GPC6: variants seen among roughly 807,000 people sequenced by gnomAD.
The protein encoded by GPC6 is glypican 6.
In GPC6, 14 loss-of-function variants were observed where a neutral mutation model predicts 55.2. The ratio of observed to expected loss-of-function variants is 0.25; its 90% confidence interval spans 0.17 to 0.40. GPC6 has a LOEUF of 0.40. Among genes scored for constraint, GPC6 ranks in the 10% least tolerant of loss-of-function variants. The pLI is 1.00. For synonymous variants in GPC6, 278 were observed against 259.6 expected, an observed-to-expected ratio of 1.07 and a Z score of -0.68; for missense variants, 641 against 708.5, an observed-to-expected ratio of 0.90 and a Z score of 1.08.
At chr13:94,199,033 G>A (rs1889671910) in intron 4 of GPC6, among the ~76,000 whole-genome samples, 2 of 152,152 alleles carry the variant, frequency 1.3e-5, no homozygotes, top group Non-Finnish European at 2.9e-5. Context: ...ACCATGGAGA[G>A]TTTAGGGCAA....
intron 6 of GPC6, among the ~76,000 whole-genome samples, chr13:94,313,811 G>A (rs941412750): frequency 6.6e-6 from 1 of 152,166 alleles, no homozygotes; most frequent in Non-Finnish European, 1.5e-5. Context: ...GAGCTTTGGT[G>A]ACCTCTGTAT....
Position 94,011,575 on chromosome 13 carries a change from C to T in GPC6, c.712-16154C>T, listed in dbSNP as rs184160058. 4.7e-4 allele frequency among the ~76,000 whole-genome samples: 72 copies of T among 152,212 alleles called. 1 individual carries two copies. The highest frequency in any genetic ancestry group is 4.1e-3 in the Admixed American group (63 of 15,264). On this transcript the variant is annotated intron_variant, in intron 3 of 8. Coordinates refer to ENST00000377047, the MANE Select transcript of GPC6 (RefSeq NM_005708.5). ...ACTTAGACTTTTATTATGTTGTTCT[C>T]GGAATATGTTTACTTAAGATAAAAA... is the stretch of plus-strand genomic sequence containing the variant.
chr13:93,505,350 A>G (rs929240294), intron 1 of GPC6, among the ~76,000 whole-genome samples: 1 of 151,962 alleles, frequency 6.6e-6, no homozygotes, highest in Non-Finnish European at 1.5e-5. Flanking sequence ...TAGTTACACT[A>G]TTTTCATTAG....
rs147453060 is a variant in GPC6, at chr13:94,073,837, C to CAAA, written c.877+45945_877+45946insAAA. Among the ~76,000 whole-genome samples, 730 of 152,254 alleles carry CAAA rather than the reference C, an allele frequency of 4.8e-3. 8 individuals are homozygous for CAAA. Among genetic ancestry groups the CAAA allele is most frequent in the African/African-American group, 0.017 (693 of 41,564 alleles). On this transcript the variant is annotated intron_variant, in intron 4 of 8. Coordinates refer to ENST00000377047, the MANE Select transcript of GPC6 (RefSeq NM_005708.5). ...GAGCTTTGTTTAACTTTAACAACAA[C>CAAA]AACAAAAAATGACATAAATGGTGCT...
chr13:94,118,996 ATGTGTGTG>A (rs4001790), intron 4 of GPC6, among the ~76,000 whole-genome samples: 83,111 of 150,488 alleles, frequency 0.55, 24,017 homozygotes, highest in Middle Eastern at 0.67. Context: ...TACATTATGT[ATGTGTGTG>A]TGTGTGTGTG....
chr13:94,284,443 T>C (rs1286715026), intron 4 of GPC6, among the ~76,000 whole-genome samples: 1 of 147,332 alleles, frequency 6.8e-6, no homozygotes, highest in Non-Finnish European at 1.5e-5. Context: ...TTATATCATA[T>C]GAATACATGT....
At chr13:94,030,237 C>T (rs1883072959) in intron 4 of GPC6, among the ~76,000 whole-genome samples, 1 of 152,056 alleles carries the variant, frequency 6.6e-6, no homozygotes, top group African/African-American at 2.4e-5. Context: ...TCTCGATTTC[C>T]TGACCTCGTG....
At chr13:93,982,882 A>C (rs1322419357) in intron 3 of GPC6, among the ~76,000 whole-genome samples, 1 of 152,164 alleles carries the variant, frequency 6.6e-6, no homozygotes, top group Non-Finnish European at 1.5e-5. Context: ...AGATTATAAG[A>C]TGGGCCATTC....
intron 2 of GPC6, among the ~76,000 whole-genome samples, chr13:93,606,634 T>C (rs752304492): frequency 6.6e-6 from 1 of 152,216 alleles, no homozygotes; most frequent in Non-Finnish European, 1.5e-5. Flanking sequence ...TATGAGTTGA[T>C]GTGATGGGAA....
At chr13:93,288,708 A>G (rs567204126) in intron 1 of GPC6, among the ~76,000 whole-genome samples, 72 of 152,356 alleles carry the variant, frequency 4.7e-4, no homozygotes, top group African/African-American at 1.6e-3. Flanking sequence ...ATGCTTTGCC[A>G]AATTTTAATT....
At chr13:93,749,754 C>T (rs916062533) in intron 2 of GPC6, among the ~76,000 whole-genome samples, 2 of 151,950 alleles carry the variant, frequency 1.3e-5, no homozygotes, top group African/African-American at 4.8e-5. Flanking sequence ...CCCAAAAAGC[C>T]AAGAAGCCAA....
In GPC6 at chr13:93,622,313, T is replaced by A. The variant is rs553726723; in HGVS notation, c.319+76892T>A. On this transcript the variant is annotated intron_variant, in intron 2 of 8. Transcript: ENST00000377047. Reference sequence around the variant, plus strand: ...ACAAAGTGGGTCCTCTGATGAGCATTGCATTTTAGATAAGGGAACTCAAGC... The same window carrying A: ...ACAAAGTGGGTCCTCTGATGAGCATAGCATTTTAGATAAGGGAACTCAAGC... Among the ~76,000 whole-genome samples the A allele has an allele frequency of 8.5e-5, 13 of 152,334 alleles. No individual in the cohort carries two copies. The South Asian group carries it at 2.5e-3, about 29-fold the overall frequency.
chr13:94,155,986 G>A (rs1006948013), intron 4 of GPC6, among the ~76,000 whole-genome samples: 3 of 152,148 alleles, frequency 2.0e-5, no homozygotes, highest in Non-Finnish European at 4.4e-5. Context: ...TTCGAAGGAT[G>A]AGGAAAGAAG....
intron 1 of GPC6, among the ~76,000 whole-genome samples, chr13:93,477,920 A>C (rs1260793982): frequency 6.6e-6 from 1 of 152,170 alleles, no homozygotes; most frequent in East Asian, 1.9e-4. Flanking sequence ...ATAGTACCGT[A>C]TATGAGCTGC....
chr13:94,349,760 C>T (rs1389805892), intron 6 of GPC6, among the ~76,000 whole-genome samples: 2 of 152,202 alleles, frequency 1.3e-5, no homozygotes, highest in East Asian at 3.8e-4. Flanking sequence ...AAAGCTTCCT[C>T]TGCCATAAGT....
intron 6 of GPC6, among the ~76,000 whole-genome samples, chr13:94,346,412 C>T (rs1386948174): frequency 6.6e-6 from 1 of 152,112 alleles, no homozygotes; most frequent in Non-Finnish European, 1.5e-5. Flanking sequence ...GATGGATGTT[C>T]TGAAGTTTCA....
intron 4 of GPC6, among the ~76,000 whole-genome samples, chr13:94,056,188 C>T (rs1536780): frequency 0.44 from 67,522 of 151,954 alleles, 15,873 homozygotes; most frequent in Middle Eastern, 0.6. Context: ...GAGTTTTGGA[C>T]ACACATGTCT....
chr13:94,261,986 A>G (rs938344662), intron 4 of GPC6, among the ~76,000 whole-genome samples: 3 of 152,234 alleles, frequency 2.0e-5, no homozygotes, highest in Non-Finnish European at 2.9e-5. Flanking sequence ...TCAAATGCCT[A>G]AGGTAAACAG....
intron 2 of GPC6, among the ~76,000 whole-genome samples, chr13:93,735,185 TTAAC>T (rs1478602038): frequency 1.3e-5 from 2 of 152,130 alleles, no homozygotes; most frequent in Admixed American, 1.3e-4. Flanking sequence ...GAAAACTCAA[TTAAC>T]TATTTCGTGC....
Sources: allele counts gnomAD v4.1 joint callset (sites outside exome capture counted in the v4.1 genomes callset), GRCh38; gene constraint gnomAD v4.1.1; transcripts MANE v1.5; gene names NCBI Gene and HGNC (gene_info 2026-07-23, HGNC 2026-07-21).